The following MAGI2 variants were observed in gnomAD, a reference collection of about 807,000 sequenced individuals.
The protein encoded by MAGI2 is membrane associated guanylate kinase, WW and PDZ domain containing 2, also known as membrane-associated guanylate kinase, WW and PDZ domain-containing protein 2.
Under a neutral mutation model 133.3 loss-of-function variants are expected in MAGI2, and 35 were observed. That is an observed-to-expected ratio of 0.26 (90% CI 0.20 to 0.35). The LOEUF (loss-of-function observed/expected upper bound fraction) is 0.35, where lower values mean the gene tolerates loss of function less well. Ranked by LOEUF, MAGI2 falls within the 10% of genes least tolerant of loss-of-function variation. The pLI, the probability that MAGI2 is intolerant of heterozygous loss-of-function variation, is 1.00. For synonymous variants in MAGI2, 729 were observed against 710.6 expected, an observed-to-expected ratio of 1.03 and a Z score of -0.41; for missense variants, 1,636 against 1,863.4, an observed-to-expected ratio of 0.88 and a Z score of 2.25.
chr7:78,109,100 T>C (rs574325028), intron 20 of MAGI2, among the ~76,000 whole-genome samples: 85 of 144,262 alleles, frequency 5.9e-4, no homozygotes, highest in Middle Eastern at 4.8e-3. Context: ...GTCAGGAGAT[T>C]GAGACCATCC....
chr7:78,358,414 C>T (rs1288390466), intron 7 of MAGI2: 1 of 152,760 alleles, frequency 6.5e-6, no homozygotes, highest in East Asian at 1.9e-4. Flanking sequence ...AGGGCATCAA[C>T]ATTTCTGGCA....
intron 2 of MAGI2, among the ~76,000 whole-genome samples, chr7:78,839,762 A>G (rs1242515669): frequency 3.9e-5 from 6 of 152,104 alleles, no homozygotes; most frequent in Admixed American, 2.6e-4. Flanking sequence ...ACACAGAGCC[A>G]AACCATATCA....
intron 1 of MAGI2, among the ~76,000 whole-genome samples, chr7:79,023,821 C>A (rs372641273): frequency 9.9e-5 from 15 of 151,988 alleles, no homozygotes; most frequent in African/African-American, 3.4e-4. Context: ...AAACACTGCT[C>A]AAATAAATCA....
intron 1 of MAGI2, among the ~76,000 whole-genome samples, chr7:79,248,681 G>A (rs536631484): frequency 6.6e-6 from 1 of 151,838 alleles, no homozygotes; most frequent in Non-Finnish European, 1.5e-5. Flanking sequence ...CCTCTGACCA[G>A]AATAGAGTAA....
intron 9 of MAGI2, among the ~76,000 whole-genome samples, chr7:78,266,850 G>A (rs1007281229): frequency 4.6e-5 from 7 of 152,138 alleles, no homozygotes; most frequent in Admixed American, 3.9e-4. Flanking sequence ...GGGATTACAG[G>A]TGTGAGCCAC....
intron 2 of MAGI2, among the ~76,000 whole-genome samples, chr7:78,959,958 T>G (rs538377723): frequency 3.3e-5 from 5 of 152,146 alleles, no homozygotes; most frequent in South Asian, 2.1e-4. Flanking sequence ...AATTTCAATA[T>G]GTAACATGGC....
chr7:79,234,324 G>C (rs1384440178), intron 1 of MAGI2, among the ~76,000 whole-genome samples: 1 of 151,002 alleles, frequency 6.6e-6, no homozygotes, highest in Non-Finnish European at 1.5e-5. Flanking sequence ...TGTATTTCCT[G>C]AATCTGAACG....
intron 1 of MAGI2, among the ~76,000 whole-genome samples, chr7:79,163,884 A>T (rs757728971): frequency 1.4e-4 from 22 of 152,060 alleles, no homozygotes; most frequent in Non-Finnish European, 3.1e-4. Context: ...GAAGACTCAG[A>T]TCATGATAGC....
intron 2 of MAGI2, among the ~76,000 whole-genome samples, chr7:78,830,283 T>C (rs1022846720): frequency 1.3e-5 from 2 of 152,152 alleles, no homozygotes; most frequent in East Asian, 1.9e-4. Flanking sequence ...AAAATTCCTA[T>C]GTATTTTCTG....
chr7:79,004,276 A>AT (rs887941902), intron 2 of MAGI2, among the ~76,000 whole-genome samples: 3 of 152,220 alleles, frequency 2.0e-5, no homozygotes, highest in Non-Finnish European at 4.4e-5. Flanking sequence ...CTCTTCAACC[A>AT]TAAAAAAAAT....
chr7:79,167,395 G>A (rs1825044574), intron 1 of MAGI2, among the ~76,000 whole-genome samples: 2 of 51,142 alleles, frequency 3.9e-5, no homozygotes, highest in Admixed American at 1.9e-4. Flanking sequence ...CCCCAAAAAT[G>A]GCAAAAAAAA....
In MAGI2 at chr7:78,689,472, T is replaced by C. The variant is rs150323661; in HGVS notation, c.419-62233A>G. ...CTCCAAGTTTGATTTGTTTTTCAAATACATACATCTATGTAACCTCCAATC... is the reference window on the plus strand; with the variant it reads ...CTCCAAGTTTGATTTGTTTTTCAAACACATACATCTATGTAACCTCCAATC... On this transcript the variant is annotated intron_variant, in intron 2 of 21. Coordinates refer to ENST00000354212, the MANE Select transcript of MAGI2 (RefSeq NM_012301.4). Among the ~76,000 whole-genome samples the C allele has an allele frequency of 5.5e-3, 843 of 152,290 alleles. 9 individuals are homozygous for C. Among genetic ancestry groups the C allele is most frequent in the African/African-American group, 0.019 (804 of 41,562 alleles).
chr7:78,502,419 G>A (rs141670156), intron 4 of MAGI2, among the ~76,000 whole-genome samples: 8 of 152,174 alleles, frequency 5.3e-5, no homozygotes, highest in African/African-American at 1.4e-4. Context: ...TGGAGAATCC[G>A]GAAAGGAACA....
intron 10 of MAGI2, among the ~76,000 whole-genome samples, chr7:78,230,502 TTC>T (rs1292715156): frequency 6.6e-6 from 1 of 152,218 alleles, no homozygotes; most frequent in Non-Finnish European, 1.5e-5. Context: ...GAGAATAACT[TTC>T]GTCTTACACA....
intron 1 of MAGI2, among the ~76,000 whole-genome samples, chr7:79,028,207 T>C (rs573568389): frequency 1.5e-5 from 1 of 66,312 alleles, no homozygotes; most frequent in Admixed American, 1.6e-4. Context: ...CGAGACTCCA[T>C]CTCAAAAAAA....
At chr7:79,237,217 C>G (rs116633055) in intron 1 of MAGI2, among the ~76,000 whole-genome samples, 1 of 152,178 alleles carries the variant, frequency 6.6e-6, no homozygotes, top group East Asian at 1.9e-4. Flanking sequence ...ATACACTTGC[C>G]GGGCGCGGTG....
intron 20 of MAGI2, among the ~76,000 whole-genome samples, chr7:78,107,050 G>A (rs1583929039): frequency 6.6e-6 from 1 of 152,114 alleles, no homozygotes; most frequent in African/African-American, 2.4e-5. Flanking sequence ...AAAGATAAGG[G>A]TCTAGTTTCA....
At chr7:79,245,458 C>G (rs967769525) in intron 1 of MAGI2, among the ~76,000 whole-genome samples, 4 of 152,138 alleles carry the variant, frequency 2.6e-5, no homozygotes, top group Non-Finnish European at 4.4e-5. Context: ...CGGAAGGGCC[C>G]TTGGTCCTTG....
chr7:78,549,589 T>A (rs977259234), intron 3 of MAGI2, among the ~76,000 whole-genome samples: 1 of 152,214 alleles, frequency 6.6e-6, no homozygotes, highest in Middle Eastern at 3.4e-3. Context: ...CATTTCTCAA[T>A]AACGAGTTAA....
Sources: allele counts gnomAD v4.1 joint callset (sites outside exome capture counted in the v4.1 genomes callset), GRCh38; gene constraint gnomAD v4.1.1; transcripts MANE v1.5; gene names NCBI Gene and HGNC (gene_info 2026-07-23, HGNC 2026-07-21).